The following CERKL variants were observed in gnomAD, a reference collection of about 807,000 sequenced individuals.
CERKL encodes ceramide kinase-like protein.
A neutral mutation model predicts 63.4 loss-of-function variants in CERKL; 61 were observed. The ratio of observed to expected loss-of-function variants is 0.96; its 90% CI spans 0.78 to 1.19. The LOEUF is 1.19. CERKL is among the 50% of genes most tolerant of loss of function. The pLI is 0.00. For synonymous variants in CERKL, 250 were observed against 230.5 expected, an observed-to-expected ratio of 1.08 and a Z score of -0.77; for missense variants, 675 against 655.5, an observed-to-expected ratio of 1.03 and a Z score of -0.33.
At chr2:181,585,658 C>T (rs1684730866) in intron 2 of CERKL, among the ~76,000 whole-genome samples, 1 of 152,144 alleles carries the variant, frequency 6.6e-6, no homozygotes, top group South Asian at 2.1e-4. Flanking sequence ...ATGTCTACTC[C>T]TTATATCTAC....
At chr2:181,585,381 A>G (rs1032258833) in intron 2 of CERKL, among the ~76,000 whole-genome samples, 5 of 152,220 alleles carry the variant, frequency 3.3e-5, no homozygotes, top group Non-Finnish European at 7.3e-5. Context: ...TGCATTAAAG[A>G]AAACAAAAGC....
chr2:181,654,682 T>G (rs1345920332), intron 1 of CERKL, among the ~76,000 whole-genome samples: 5 of 152,178 alleles, frequency 3.3e-5, no homozygotes, highest in Admixed American at 1.3e-4. Context: ...CATTTAATCT[T>G]TTACCACTCA....
At chr2:181,572,174 ATT>A (rs1559083627) in intron 3 of CERKL, among the ~76,000 whole-genome samples, 3 of 150,908 alleles carry the variant, frequency 2.0e-5, no homozygotes, top group African/African-American at 7.3e-5. Flanking sequence ...TCCTTCCCTC[ATT>A]TTTTGTCTGC....
At chr2:181,655,450 G>T (rs1688115581) in intron 1 of CERKL, among the ~76,000 whole-genome samples, 1 of 152,216 alleles carries the variant, frequency 6.6e-6, no homozygotes, top group Non-Finnish European at 1.5e-5. Flanking sequence ...TTGCCTGAAA[G>T]ACTTACAAAT....
At chr2:181,643,909 CA>C (rs1687557026) in intron 1 of CERKL, among the ~76,000 whole-genome samples, 2 of 152,170 alleles carry the variant, frequency 1.3e-5, no homozygotes, top group Non-Finnish European at 2.9e-5. Context: ...TGGGGAGGCA[CA>C]AAAAAATGCC....
intron 5 of CERKL, among the ~76,000 whole-genome samples, chr2:181,551,584 G>A (rs1034950884): frequency 6.6e-6 from 1 of 152,014 alleles, no homozygotes; most frequent in Non-Finnish European, 1.5e-5. Context: ...CTGATCATCA[G>A]AGAAATGCAA....
In CERKL at chr2:181,604,067, T is replaced by A. The variant is rs758960994; in HGVS notation, c.251A>T (p.Tyr84Phe). The change falls in exon 2 of 13, where the codon TAT becomes TTT. Residue 84 changes from tyrosine to phenylalanine, a missense_variant. Coordinates refer to ENST00000410087, the MANE Select transcript of CERKL (RefSeq NM_201548.5). ...AAATTCTTCTTTACATAGCAAGTCA[T>A]ACTTAGAATCACCTGAAAAAAAAAT... The part of the protein sequence containing the change: ...QPERPAGDSK[Y>F]DLLCKEEFIE... 10 of 1,600,208 alleles carry A rather than the reference T, an allele frequency of 6.2e-6. No homozygotes were observed. Among genetic ancestry groups the A allele is most frequent in the Admixed American group, 1.7e-5 (1 of 59,856 alleles).
chr2:181,549,531 A>C (rs1006685684), intron 6 of CERKL, 103 bp downstream of exon 6: 17 of 936,294 alleles, frequency 1.8e-5, no homozygotes, highest in Non-Finnish European at 1.4e-5. Flanking sequence ...TCTAAGAGAC[A>C]AAGAACCTGC....
intron 1 of CERKL, chr2:181,617,278 T>C (rs1276764937): frequency 7.9e-5 from 12 of 152,236 alleles, no homozygotes; most frequent in Admixed American, 6.5e-4. Flanking sequence ...CAAATCGAAG[T>C]GGTGGTTTGC....
chr2:181,559,578 C>T (rs1022832561), intron 4 of CERKL, among the ~76,000 whole-genome samples: 1 of 152,120 alleles, frequency 6.6e-6, no homozygotes, highest in Non-Finnish European at 1.5e-5. Flanking sequence ...ACTCACATCA[C>T]GTGTGAGGCC....
At chr2:181,622,115 C>G (rs749961946) in intron 1 of CERKL, among the ~76,000 whole-genome samples, 7 of 152,126 alleles carry the variant, frequency 4.6e-5, no homozygotes, top group Non-Finnish European at 8.8e-5. Context: ...CTAATCAAGT[C>G]TTAACTATTT....
At position 181,573,382 on chromosome 2, in the gene CERKL, T is replaced by G. The variant is rs76556545; in HGVS notation, c.613+371A>C. On this transcript the variant is annotated intron_variant, in intron 3 of 12. Coordinates refer to ENST00000410087, the MANE Select transcript of CERKL (RefSeq NM_201548.5). Reference sequence around the variant, plus strand: ...GAAAACAACCCAAGGAAGAATTCCATGGAAAGACATCAACTATATAAGTGA... The same window carrying G: ...GAAAACAACCCAAGGAAGAATTCCAGGGAAAGACATCAACTATATAAGTGA... Among the ~76,000 whole-genome samples the G allele has an allele frequency of 7.1e-3, 1,083 of 152,256 alleles. 21 individuals are homozygous for G. Among genetic ancestry groups the G allele is most frequent in the African/African-American group, 0.025 (1,020 of 41,536 alleles).
At chr2:181,543,446 T>C (rs935054770) in intron 11 of CERKL, among the ~76,000 whole-genome samples, 1 of 152,210 alleles carries the variant, frequency 6.6e-6, no homozygotes, top group African/African-American at 2.4e-5. Flanking sequence ...TAATTTTTTA[T>C]GATTTAAGTT....
chr2:181,586,466 A>G (rs1684772008), intron 2 of CERKL, among the ~76,000 whole-genome samples: 1 of 152,184 alleles, frequency 6.6e-6, no homozygotes, highest in African/African-American at 2.4e-5. Flanking sequence ...TGAATTTCAA[A>G]GTGGTAATTA....
chr2:181,548,994 T>G, intron 6 of CERKL, 137 bp from the exon 7 acceptor site: 1 of 739,840 alleles, frequency 1.4e-6, no homozygotes, highest in Non-Finnish European at 2.3e-6. Flanking sequence ...TCACTTTCTC[T>G]TCAGTTCCCT....
At chr2:181,599,489 A>G (rs1685368167) in intron 2 of CERKL, among the ~76,000 whole-genome samples, 4 of 151,890 alleles carry the variant, frequency 2.6e-5, no homozygotes. Flanking sequence ...GTGAGTCAAG[A>G]TCATGCCACT....
Position 181,609,533 on chromosome 2 carries a change from T to TAA in CERKL, c.239-5456_239-5455dup, listed in dbSNP as rs869037405. On this transcript the variant is annotated intron_variant, in intron 1 of 12. Coordinates refer to ENST00000410087, the MANE Select transcript of CERKL (RefSeq NM_201548.5). ...CACCATGGTGAAACCCTGTCTCTACTAAAAAAAAAAAAAAAAAAAAAAATT... is the reference window on the plus strand; with the variant it reads ...CACCATGGTGAAACCCTGTCTCTACTAAAAAAAAAAAAAAAAAAAAAAAAATT... Among the ~76,000 whole-genome samples, 97 of 70,200 alleles carry TAA rather than the reference T, an allele frequency of 1.4e-3. 3 individuals carry two copies. The highest frequency in any genetic ancestry group is 3.1e-3 in the South Asian group (4 of 1,302). The allele number at this position is 70,200 out of a possible 152,430, so 46.1% of individuals were successfully genotyped here.
intron 2 of CERKL, among the ~76,000 whole-genome samples, chr2:181,588,577 A>G (rs1046857944): frequency 6.6e-6 from 1 of 152,102 alleles, no homozygotes; most frequent in East Asian, 1.9e-4. Context: ...AGTTCTCTTC[A>G]ATATACTGAT....
Position 181,558,483 on chromosome 2 carries a change from T to C in CERKL, c.820+83A>G, listed in dbSNP as rs1688301113. 2 of 1,428,116 alleles carry C rather than the reference T, an allele frequency of 1.4e-6. No individual in the cohort carries two copies. Among genetic ancestry groups the C allele is most frequent in the South Asian group, 2.3e-5 (2 of 87,026 alleles). 88.5% of individuals were successfully genotyped at this position (1,428,116 alleles called of 1,614,324 possible). A position where few individuals can be genotyped will look rare whatever the true frequency, so the allele number is the denominator to read the frequency against. On this transcript the variant is annotated intron_variant, in intron 5 of 12. Transcript: ENST00000410087. The surrounding 1 kb of genome is among the most constrained non-coding windows in gnomAD (Gnocchi z 4.2). ...TCTTTCAAAGTCTGTTCATTAATTC[T>C]GTGTTGTGCTGTCTAGATTAGCAAG...
Sources: allele counts gnomAD v4.1 joint callset (sites outside exome capture counted in the v4.1 genomes callset), GRCh38; gene constraint gnomAD v4.1.1; non-coding constraint Gnocchi (gnomAD v3.1); transcripts MANE v1.5; gene names NCBI Gene and HGNC (gene_info 2026-07-23, HGNC 2026-07-21).